The following KCNIP4 variants were observed in gnomAD, a reference collection of about 807,000 sequenced individuals.
KCNIP4 encodes Kv channel-interacting protein 4.
In KCNIP4, 12 loss-of-function variants were observed where a neutral mutation model predicts 34.0. That is an observed-to-expected ratio of 0.35 (90% CI 0.23 to 0.57). KCNIP4 has a LOEUF of 0.57. Among genes scored for constraint, KCNIP4 ranks in the 20% least tolerant of loss-of-function variants. The pLI is 0.83. For missense variants in KCNIP4, 238 were observed against 311.7 expected (o/e 0.76, Z 1.78); for synonymous variants, 124 against 102.2 (o/e 1.21, Z -1.29).
chr4:20,941,798 A>G (rs566436201), intron 1 of KCNIP4, among the ~76,000 whole-genome samples: 1 of 152,234 alleles, frequency 6.6e-6, no homozygotes, highest in Non-Finnish European at 1.5e-5. Flanking sequence ...TTAGTTGTCC[A>G]GTATATAGAG....
At chr4:21,828,204 T>C (rs1162853571) in intron 1 of KCNIP4, among the ~76,000 whole-genome samples, 2 of 151,274 alleles carry the variant, frequency 1.3e-5, no homozygotes, top group Non-Finnish European at 3.0e-5. Flanking sequence ...ATTTTTAAAA[T>C]AATACATAAC....
chr4:21,531,858 T>A (rs1736709427), intron 1 of KCNIP4, among the ~76,000 whole-genome samples: 1 of 152,146 alleles, frequency 6.6e-6, no homozygotes. Context: ...CTTTAGGTGT[T>A]AAATACATGA....
intron 1 of KCNIP4, among the ~76,000 whole-genome samples, chr4:21,566,970 G>A (rs945766974): frequency 1.3e-5 from 2 of 152,074 alleles, no homozygotes; most frequent in East Asian, 1.9e-4. Flanking sequence ...AATCAGAAAA[G>A]AACTGCCAGG....
chr4:21,725,200 A>G lies in KCNIP4; in HGVS notation c.61+223371T>C, dbSNP rs112659631. Among the ~76,000 whole-genome samples the G allele has an allele frequency of 8.7e-3, 1,326 of 152,294 alleles. 19 individuals are homozygous for G. The highest frequency in any genetic ancestry group is 0.039 in the South Asian group (187 of 4,828). ...ATTCTTCATCAAAACACAAATCCAG[A>G]AAATCAGACTTCTTAGTAAATATTT... is the stretch of plus-strand genomic sequence containing the variant. On this transcript the variant is annotated intron_variant, in intron 1 of 8. Transcript: ENST00000382152.
intron 1 of KCNIP4, among the ~76,000 whole-genome samples, chr4:21,434,009 G>T (rs992159193): frequency 4.6e-5 from 7 of 152,042 alleles, no homozygotes; most frequent in Admixed American, 2.0e-4. Flanking sequence ...TATTTTCTGG[G>T]TTCAATTTCT....
At chr4:20,876,332 G>A (rs1463290876) in intron 2 of KCNIP4, among the ~76,000 whole-genome samples, 1 of 152,096 alleles carries the variant, frequency 6.6e-6, no homozygotes, top group Non-Finnish European at 1.5e-5. Context: ...GGCATAGAGA[G>A]ATAAAGTGAG....
chr4:21,003,913 T>G (rs2149722112), intron 1 of KCNIP4, among the ~76,000 whole-genome samples: 1 of 152,204 alleles, frequency 6.6e-6, no homozygotes, highest in South Asian at 2.1e-4. Context: ...GGGGAACGAT[T>G]AGAAATTCCA....
At chr4:21,515,112 G>T (rs958819959) in intron 1 of KCNIP4, among the ~76,000 whole-genome samples, 28 of 152,154 alleles carry the variant, frequency 1.8e-4, no homozygotes, top group African/African-American at 6.7e-4. Context: ...TTACCAAGCT[G>T]GTTTCCACTT....
At chr4:21,032,257 TTG>T (rs1741088938) in intron 1 of KCNIP4, among the ~76,000 whole-genome samples, 2 of 152,102 alleles carry the variant, frequency 1.3e-5, no homozygotes, top group African/African-American at 4.8e-5. Context: ...ATGGACTGTT[TTG>T]TGTTGTGTTT....
chr4:21,662,271 A>C (rs1436121571), intron 1 of KCNIP4, among the ~76,000 whole-genome samples: 2 of 152,226 alleles, frequency 1.3e-5, no homozygotes, highest in African/African-American at 4.8e-5. Flanking sequence ...TTTTCCAGTA[A>C]TAAAAAGTAC....
intron 1 of KCNIP4, among the ~76,000 whole-genome samples, chr4:21,610,093 T>C (rs1432226257): frequency 6.6e-6 from 1 of 152,258 alleles, no homozygotes; most frequent in Non-Finnish European, 1.5e-5. Context: ...CCATTTTGAC[T>C]ATGAACTACT....
At chr4:21,192,633 A>C (rs1755734456) in intron 1 of KCNIP4, among the ~76,000 whole-genome samples, 1 of 152,190 alleles carries the variant, frequency 6.6e-6, no homozygotes, top group African/African-American at 2.4e-5. Flanking sequence ...AAGTTCCATA[A>C]CAAAATTTTC....
At position 20,729,845 on chromosome 4, in the gene KCNIP4, C is replaced by CACAGAGTATGAAAT; in HGVS notation, c.*223_*236dup. The stretch of plus-strand genomic sequence containing the variant: ...CCAGATTCTATTACTTTTGAATATT[C>CACAGAGTATGAAAT]ACAGAGTATGAAATGAGTTAGACCA... On this transcript the variant is annotated 3_prime_UTR_variant, in exon 9 of 9. Transcript: ENST00000382152. 1 of 393,960 alleles carries CACAGAGTATGAAAT rather than the reference C, an allele frequency of 2.5e-6. No individual in the cohort carries two copies. Among genetic ancestry groups the CACAGAGTATGAAAT allele is most frequent in the East Asian group, 3.8e-5 (1 of 26,166 alleles). The allele number at this position is 393,960 out of a possible 1,614,324, so 24.4% of individuals were successfully genotyped here. A position where few individuals can be genotyped will look rare whatever the true frequency, so the allele number is the denominator to read the frequency against.
At chr4:21,816,668 A>T (rs1216737082) in intron 1 of KCNIP4, among the ~76,000 whole-genome samples, 2 of 152,214 alleles carry the variant, frequency 1.3e-5, no homozygotes, top group East Asian at 3.9e-4. Context: ...TCTGATGAGG[A>T]TTTGTTATGA....
chr4:20,948,511 G>A (rs144558040), intron 1 of KCNIP4, among the ~76,000 whole-genome samples: 196 of 152,280 alleles, frequency 1.3e-3, no homozygotes, highest in African/African-American at 4.1e-3. Flanking sequence ...TGGTTGGAGG[G>A]AGCATCTTCG....
At chr4:21,359,004 G>A (rs1018241721) in intron 1 of KCNIP4, among the ~76,000 whole-genome samples, 6 of 151,868 alleles carry the variant, frequency 4.0e-5, no homozygotes, top group South Asian at 4.2e-4. Flanking sequence ...GACCACCTTG[G>A]GCACATGTCA....
intron 1 of KCNIP4, among the ~76,000 whole-genome samples, chr4:21,595,231 A>T (rs926626586): frequency 6.6e-6 from 1 of 152,136 alleles, no homozygotes; most frequent in African/African-American, 2.4e-5. Context: ...AATGAGTGAG[A>T]ACATGAGATG....
At position 21,193,703 on chromosome 4, in the gene KCNIP4, C is replaced by T. The variant is rs557052617; in HGVS notation, c.62-310994G>A. Among the ~76,000 whole-genome samples the T allele has an allele frequency of 8.8e-4, 134 of 151,540 alleles. 1 individual carries two copies. Among genetic ancestry groups the T allele is most frequent in the Non-Finnish European group, 1.6e-3 (111 of 67,972 alleles). ...TCTCCTGCCTCAGCCTCCCGAGTAG[C>T]CGGGACTACAGGCGCCAGCCACCAC... On this transcript the variant is annotated intron_variant, in intron 1 of 8. Transcript: ENST00000382152.
chr4:21,765,241 G>T (rs997181427), intron 1 of KCNIP4, among the ~76,000 whole-genome samples: 1 of 149,750 alleles, frequency 6.7e-6, no homozygotes. Flanking sequence ...CTGCAACCTC[G>T]ACCTCCGGGG....
Sources: allele counts gnomAD v4.1 joint callset (sites outside exome capture counted in the v4.1 genomes callset), GRCh38; gene constraint gnomAD v4.1.1; transcripts MANE v1.5; gene names NCBI Gene and HGNC (gene_info 2026-07-23, HGNC 2026-07-21).